The following AKR1C3 variants were observed in gnomAD, a reference collection of about 807,000 sequenced individuals.
AKR1C3 encodes aldo-keto reductase family 1 member C3, also known as 3-alpha hydroxysteroid dehydrogenase, type II.
In AKR1C3, 48 loss-of-function variants were observed where a neutral mutation model predicts 43.6. That is an observed-to-expected ratio of 1.10 (90% CI 0.87 to 1.40). The LOEUF is 1.40. AKR1C3 is among the 40% of genes most tolerant of loss of function. The probability of loss-of-function intolerance (pLI) is 0.00; values close to 1 mark genes in which losing one functional copy is unlikely to be tolerated. For synonymous variants in AKR1C3, 162 were observed against 139.6 expected, an observed-to-expected ratio of 1.16 and a Z score of -1.13; for missense variants, 482 against 391.2, an observed-to-expected ratio of 1.23 and a Z score of -1.96.
intron 1 of AKR1C3, among the ~76,000 whole-genome samples, chr10:5,060,910 G>T (rs113755860): frequency 6.6e-6 from 1 of 152,220 alleles, no homozygotes; most frequent in Non-Finnish European, 1.5e-5. Flanking sequence ...ACTGCCTGGG[G>T]CTTGCGGGCT....
intron 1 of AKR1C3, among the ~76,000 whole-genome samples, chr10:5,087,794 A>G (rs1839004191): frequency 2.7e-5 from 4 of 150,844 alleles, no homozygotes; most frequent in South Asian, 2.1e-4. Context: ...TTGATCCTTT[A>G]TACCTATTTT....
At chr10:5,052,540 C>G (rs1257925840) in intron 1 of AKR1C3, among the ~76,000 whole-genome samples, 2 of 151,912 alleles carry the variant, frequency 1.3e-5, no homozygotes, top group African/African-American at 4.8e-5. Flanking sequence ...TTTACAATCC[C>G]TGAGCTAGAC....
chr10:5,104,609 GA>G (rs1839452980), intron 7 of AKR1C3, among the ~76,000 whole-genome samples: 1 of 152,202 alleles, frequency 6.6e-6, no homozygotes, highest in Admixed American at 6.5e-5. Flanking sequence ...CAACATCCAT[GA>G]AAGAGTACAT....
At position 5,102,625 on chromosome 10, in the gene AKR1C3, A is replaced by C; in HGVS notation, c.821A>C (p.Glu274Ala). 6.7e-7 allele frequency: 1 copy of C among 1,492,992 alleles called. No individual in the cohort carries two copies. The highest frequency in any genetic ancestry group is 8.9e-7 in the Non-Finnish European group (1 of 1,120,546). The allele number at this position is 1,492,992 out of a possible 1,614,324, so 92.5% of individuals were successfully genotyped here. The change falls in exon 7 of 9, where the codon GAG (glutamate) becomes GCG (alanine). Residue 274 changes from glutamate to alanine, a missense_variant. By Grantham distance (107) the Glu-to-Ala change is moderately radical (BLOSUM62 -1). Coordinates refer to ENST00000380554, the MANE Select transcript of AKR1C3 (RefSeq NM_003739.6). The stretch of plus-strand genomic sequence containing the variant: ...GTGGTCCTGGCCAAGAGCTACAATG[A>C]GCAGCGCATCAGACAGAACGTGCAG... ...GVVVLAKSYNEQRIRQNVQVF... is the reference protein window; with the variant it reads ...GVVVLAKSYNAQRIRQNVQVF...
intron 1 of AKR1C3, among the ~76,000 whole-genome samples, chr10:5,052,021 G>T (rs1290854354): frequency 6.6e-6 from 1 of 152,198 alleles, no homozygotes; most frequent in South Asian, 2.1e-4. Flanking sequence ...CTGACTTCAA[G>T]AATGAAGCCG....
chr10:5,051,781 T>C (rs1250330458), intron 1 of AKR1C3, among the ~76,000 whole-genome samples: 4 of 152,238 alleles, frequency 2.6e-5, no homozygotes, highest in Non-Finnish European at 5.9e-5. Flanking sequence ...AAATCTACCC[T>C]GCTTAGAGAC....
chr10:5,072,656 T>TC (rs1467285219), intron 1 of AKR1C3, among the ~76,000 whole-genome samples: 1 of 152,214 alleles, frequency 6.6e-6, no homozygotes, highest in Admixed American at 6.5e-5. Context: ...TGCCTGCTTG[T>TC]CATAAAGAAA....
chr10:5,069,001 G>C (rs376885787), intron 1 of AKR1C3, among the ~76,000 whole-genome samples: 25 of 152,230 alleles, frequency 1.6e-4, no homozygotes, highest in African/African-American at 5.3e-4. Context: ...CTTTAAAACT[G>C]TTTATTTCCT....
chr10:5,062,812 C>A (rs1838407196), intron 1 of AKR1C3, among the ~76,000 whole-genome samples: 1 of 149,300 alleles, frequency 6.7e-6, no homozygotes, highest in Admixed American at 6.7e-5. Flanking sequence ...CTTATTCCAG[C>A]CAGTTCATTA....
chr10:5,096,213 T>C, intron 1 of AKR1C3, 197 bp from the exon 2 acceptor site: 1 of 555,440 alleles, frequency 1.8e-6, no homozygotes, highest in East Asian at 3.0e-5. Flanking sequence ...AACCAGAGAT[T>C]GCCTGAGACT....
intron 7 of AKR1C3, among the ~76,000 whole-genome samples, chr10:5,103,411 CT>C (rs1839408566): frequency 6.6e-6 from 1 of 151,946 alleles, no homozygotes; most frequent in African/African-American, 2.4e-5. Context: ...TTAAATAGAG[CT>C]GTTAAACAAA....
chr10:5,083,929 G>GT (rs1245483723), intron 1 of AKR1C3, among the ~76,000 whole-genome samples: 3 of 151,982 alleles, frequency 2.0e-5, no homozygotes, highest in Non-Finnish European at 4.4e-5. Context: ...GGGGTTGTTT[G>GT]TTTTTTCCCT....
intron 1 of AKR1C3, chr10:5,080,781 A>G (rs114429529): frequency 0.017 from 2,593 of 152,380 alleles, 76 homozygotes; most frequent in African/African-American, 0.058. Context: ...CCTGACAGGA[A>G]GAGCCTCTGT....
chr10:5,098,968 C>T lies in AKR1C3; in HGVS notation c.447+89C>T, dbSNP rs1839282911. 3 of 1,070,760 alleles carry T rather than the reference C, an allele frequency of 2.8e-6. No homozygotes were observed. In the African/African-American group the frequency reaches 4.8e-5, roughly 17 times the overall value. 66.3% of individuals were successfully genotyped at this position (1,070,760 alleles called of 1,614,324 possible). A position where few individuals can be genotyped will look rare whatever the true frequency, so the allele number is the denominator to read the frequency against. The stretch of plus-strand genomic sequence containing the variant: ...TCAATAGGAAAGAATGGAATATGCA[C>T]CATTAGATCTAGAAATTCAGAAACT... On this transcript the variant is annotated intron_variant, in intron 4 of 8. Transcript: ENST00000380554.
intron 1 of AKR1C3, among the ~76,000 whole-genome samples, chr10:5,087,692 A>G (rs782350118): frequency 2.0e-5 from 3 of 151,508 alleles, no homozygotes; most frequent in East Asian, 1.9e-4. Flanking sequence ...TCTTTTCTGT[A>G]TTGTATTTTT....
intron 1 of AKR1C3, among the ~76,000 whole-genome samples, chr10:5,050,453 C>A (rs150822291): frequency 2.0e-5 from 3 of 152,192 alleles, no homozygotes; most frequent in Admixed American, 6.5e-5. Flanking sequence ...TAGTCATAGA[C>A]AGTAACTCAT....
chr10:5,057,241 A>G (rs1285854673), intron 1 of AKR1C3, among the ~76,000 whole-genome samples: 1 of 152,174 alleles, frequency 6.6e-6, no homozygotes, highest in African/African-American at 2.4e-5. Flanking sequence ...AACAGGCCCT[A>G]CCAGGTGATG....
chr10:5,056,415 C>T (rs1838264363), intron 1 of AKR1C3, among the ~76,000 whole-genome samples: 2 of 152,168 alleles, frequency 1.3e-5, no homozygotes, highest in Admixed American at 6.5e-5. Context: ...ATTACTGCCT[C>T]ATTGATGTGT....
chr10:5,076,912 A>G (rs1290168461), intron 1 of AKR1C3, among the ~76,000 whole-genome samples: 1 of 152,158 alleles, frequency 6.6e-6, no homozygotes, highest in African/African-American at 2.4e-5. Context: ...GCACATAATG[A>G]AAAATCTGGT....
Sources: gnomAD v4.1 joint callset for allele counts (sites outside exome capture counted in the v4.1 genomes callset) on GRCh38, gnomAD v4.1.1 for gene constraint, MANE v1.5 for transcripts, NCBI Gene and HGNC (gene_info 2026-07-23, HGNC 2026-07-21) for gene names.